SLC41A3: variants seen among roughly 807,000 people sequenced by gnomAD.
SLC41A3 encodes solute carrier family 41 member 3, also known as SLC41A1-like 2.
A neutral mutation model predicts 45.4 loss-of-function variants in SLC41A3; 44 were observed. The observed-to-expected ratio is 0.97, with a 90% confidence interval of 0.76 to 1.25. The LOEUF (loss-of-function observed/expected upper bound fraction) is 1.25, where lower values mean the gene tolerates loss of function less well. Among genes scored for constraint, SLC41A3 ranks in the 50% most tolerant of loss-of-function variants. SLC41A3 has a pLI of 0.00. For synonymous variants in SLC41A3, 256 were observed against 252.4 expected, an observed-to-expected ratio of 1.01 and a Z score of -0.13; for missense variants, 550 against 600.6, an observed-to-expected ratio of 0.92 and a Z score of 0.88.
At chr3:126,069,108 T>C (rs1317791153) in intron 1 of SLC41A3, among the ~76,000 whole-genome samples, 1 of 147,894 alleles carries the variant, frequency 6.8e-6, no homozygotes, top group Non-Finnish European at 1.5e-5. Flanking sequence ...CTATTACTTT[T>C]GACAGCAAAA....
At chr3:126,086,084 C>T (rs948362014), upstream of SLC41A3, among the ~76,000 whole-genome samples, 2 of 151,864 alleles carry the variant, frequency 1.3e-5, no homozygotes, top group Admixed American at 1.3e-4. Flanking sequence ...GGCCACAGCT[C>T]AGTTCCTACT....
chr3:126,051,119 G>A (rs1943305840), intron 2 of SLC41A3, 69 bp from the exon 3 acceptor site: 6 of 1,450,956 alleles, frequency 4.1e-6, no homozygotes, highest in Non-Finnish European at 5.5e-6. Context: ...TTTCTTGAGA[G>A]AACCTTCAGC....
At chr3:126,043,491 T>A (rs1382270370) in intron 3 of SLC41A3, among the ~76,000 whole-genome samples, 1 of 150,132 alleles carries the variant, frequency 6.7e-6, no homozygotes, top group Non-Finnish European at 1.5e-5. Context: ...CACAAAAAAG[T>A]ATTAAAAATT....
intron 2 of SLC41A3, 34 bp downstream of exon 2, chr3:126,067,913 C>A (rs1944430627): frequency 6.5e-7 from 1 of 1,547,018 alleles, no homozygotes. Context: ...TTCGGCAGTG[C>A]CCCGCTCCCT....
At chr3:126,052,391 C>T (rs1035394230) in intron 2 of SLC41A3, among the ~76,000 whole-genome samples, 3 of 152,128 alleles carry the variant, frequency 2.0e-5, no homozygotes, top group Non-Finnish European at 4.4e-5. Flanking sequence ...TGGAGCCCAG[C>T]GTGCTCATGG....
rs1443980728 is a variant in SLC41A3 at position 126,033,070 on chromosome 3, G to C, written c.453+537C>G. Among the ~76,000 whole-genome samples the C allele has an allele frequency of 2.6e-5, 4 of 152,302 alleles. No homozygotes were observed. The South Asian group carries it at 8.3e-4, about 32-fold the overall frequency. On this transcript the variant is annotated intron_variant, in intron 4 of 10. Coordinates refer to ENST00000360370, the MANE Select transcript of SLC41A3 (RefSeq NM_017836.4). ...CAGTGGAACTGGGACCTGGGAGAAG[G>C]AGAAGGATGTGTGAGTGAGAGGAGC...
intron 1 of SLC41A3, among the ~76,000 whole-genome samples, chr3:126,090,242 A>G (rs926889315): frequency 2.0e-5 from 3 of 152,150 alleles, no homozygotes; most frequent in Non-Finnish European, 4.4e-5. Flanking sequence ...TTTTAGGTAA[A>G]GTTCCAGCAA....
chr3:126,007,545 G>A lies in SLC41A3; in HGVS notation c.1255-320C>T, dbSNP rs1009736838. On this transcript the variant is annotated intron_variant, in intron 10 of 10. Transcript: ENST00000360370. ...TAGGCTCTACTCATGGGACTTTGCC[G>A]AGATGTCCATTTGGGTTTGCCTGAG... 2.6e-5 allele frequency among the ~76,000 whole-genome samples: 4 copies of A among 152,180 alleles called. No individual in the cohort carries two copies. In the South Asian group the frequency reaches 6.2e-4, roughly 24 times the overall value.
chr3:126,059,310 G>GAAAA lies in SLC41A3; in HGVS notation c.274-8261_274-8260insTTTT, dbSNP rs1553740822. Among the ~76,000 whole-genome samples, 13 of 88,182 alleles carry GAAAA rather than the reference G, an allele frequency of 1.5e-4. 1 individual carries two copies. Among genetic ancestry groups the GAAAA allele is most frequent in the Admixed American group, 4.7e-4 (4 of 8,554 alleles). 57.9% of individuals were successfully genotyped at this position (88,182 alleles called of 152,430 possible). A position where few individuals can be genotyped will look rare whatever the true frequency, so the allele number is the denominator to read the frequency against. ...AGAAAGAAAGAAAGAAAGAAAGAAAGGAAGGATGATCTGTGATAAGTGCTC... is the reference window on the plus strand; with the variant it reads ...AGAAAGAAAGAAAGAAAGAAAGAAAGAAAAGAAGGATGATCTGTGATAAGTGCTC... On this transcript the variant is annotated intron_variant, in intron 2 of 10. Transcript: ENST00000360370.
intron 9 of SLC41A3, 109 bp from the exon 10 acceptor site, chr3:126,008,989 G>T: frequency 7.2e-7 from 1 of 1,382,568 alleles, no homozygotes; most frequent in Non-Finnish European, 1.0e-6. Flanking sequence ...ATTCCCAAGT[G>T]TTCACTGGAC....
At chr3:126,060,872 T>C (rs1944028430) in intron 2 of SLC41A3, among the ~76,000 whole-genome samples, 1 of 152,200 alleles carries the variant, frequency 6.6e-6, no homozygotes, top group Admixed American at 6.5e-5. Flanking sequence ...CATGAGCAAG[T>C]GGCACAAGAT....
Position 126,016,781 on chromosome 3 carries a change from C to A in SLC41A3, c.840G>T (p.Lys280Asn). Reference sequence around the variant, plus strand: ...TTGGGAACCAGCCAAACTTCAGGATCTTCACGATGGGTGGGCTCTGCTTGG... The same window carrying A: ...TTGGGAACCAGCCAAACTTCAGGATATTCACGATGGGTGGGCTCTGCTTGG... The part of the protein sequence containing the change: ...LIAKQSPPIV[K>N]ILKFGWFPII... The change falls in exon 7 of 11, where the codon AAG (lysine) becomes AAT (asparagine). Residue 280 changes from lysine (K) to asparagine (N), a missense_variant. Lys to Asn is a moderately conservative substitution (Grantham distance 94). Transcript: ENST00000360370. The A allele has an allele frequency of 1.2e-6, 2 of 1,612,906 alleles. No homozygotes were observed. Among genetic ancestry groups the A allele is most frequent in the South Asian group, 2.2e-5 (2 of 90,708 alleles).
At chr3:126,010,190 T>C (rs372514936) in intron 9 of SLC41A3, among the ~76,000 whole-genome samples, 2 of 152,166 alleles carry the variant, frequency 1.3e-5, no homozygotes, top group Non-Finnish European at 2.9e-5. Context: ...AAACACTCCA[T>C]AGGCTAGGCG....
chr3:126,027,607 T>G (rs547123269), intron 4 of SLC41A3, among the ~76,000 whole-genome samples: 1 of 152,282 alleles, frequency 6.6e-6, no homozygotes, highest in Non-Finnish European at 1.5e-5. Context: ...TAAAGATACC[T>G]GAAAATGTGG....
At chr3:126,050,592 G>A (rs1462168352) in intron 3 of SLC41A3, among the ~76,000 whole-genome samples, 2 of 152,196 alleles carry the variant, frequency 1.3e-5, no homozygotes, top group Non-Finnish European at 2.9e-5. Context: ...TGCATTGCTT[G>A]TCGTGGCTTC....
Position 126,067,957 on chromosome 3 carries a change from TC to T in SLC41A3, c.262del (p.Asp88ThrfsTer12), listed in dbSNP as rs773354931. On this transcript the variant is annotated frameshift_variant, in exon 2 of 11. Coordinates refer to ENST00000360370, the MANE Select transcript of SLC41A3 (RefSeq NM_017836.4). LOFTEE classifies it high-confidence loss of function. ...LGLSWAGMLL[D>X]YFQHWPVFVE... ...TTAGTTCCCTCTTACCTGGAAATAG[TC>T]CAGAAGCATGCCGGCCCAGGACAGT... is the stretch of plus-strand genomic sequence containing the variant. 2 of 1,603,728 alleles carry T rather than the reference TC, an allele frequency of 1.2e-6. No individual in the cohort carries two copies. Among genetic ancestry groups the T allele is most frequent in the Admixed American group, 3.4e-5 (2 of 58,196 alleles).
intron 1 of SLC41A3, among the ~76,000 whole-genome samples, chr3:126,078,625 T>G (rs538852501): frequency 6.6e-6 from 1 of 152,304 alleles, no homozygotes; most frequent in Admixed American, 6.5e-5. Flanking sequence ...CAGTATGCCT[T>G]TACCTCCTTT....
chr3:126,058,551 C>T (rs1438922184), intron 2 of SLC41A3, among the ~76,000 whole-genome samples: 6 of 152,208 alleles, frequency 3.9e-5, no homozygotes, highest in African/African-American at 1.4e-4. Flanking sequence ...TGTCCCCACA[C>T]CTCTCCCACA....
chr3:126,033,949 TGCACACACACAGCGGTACACACACAG>T (rs1284771870), intron 3 of SLC41A3, among the ~76,000 whole-genome samples: 14 of 151,510 alleles, frequency 9.2e-5, no homozygotes, highest in African/African-American at 3.4e-4. Flanking sequence ...CTGCACCACC[TGCACACACACAGCGGTACACACACAG>T]GCACACACAG....
Sources: allele counts gnomAD v4.1 joint callset (sites outside exome capture counted in the v4.1 genomes callset), GRCh38; gene constraint gnomAD v4.1.1; transcripts MANE v1.5; gene names NCBI Gene and HGNC (gene_info 2026-07-23, HGNC 2026-07-21).